GALNT13: variants seen among roughly 807,000 people sequenced by gnomAD.
GALNT13 encodes polypeptide N-acetylgalactosaminyltransferase 13.
In GALNT13, 28 loss-of-function variants were observed where a neutral mutation model predicts 64.2. The observed-to-expected ratio is 0.44, with a 90% confidence interval of 0.32 to 0.60. The LOEUF (loss-of-function observed/expected upper bound fraction) is 0.60. Among genes scored for constraint, GALNT13 ranks in the 20% least tolerant of loss-of-function variants. The pLI is 0.05. For missense variants in GALNT13, 577 were observed against 669.8 expected, an observed-to-expected ratio of 0.86 and a Z score of 1.53; for synonymous variants, 214 against 224.6, an observed-to-expected ratio of 0.95 and a Z score of 0.42.
chr2:154,413,162 A>G (rs1394874571), intron 11 of GALNT13, among the ~76,000 whole-genome samples: 2 of 151,844 alleles, frequency 1.3e-5, no homozygotes, highest in Non-Finnish European at 2.9e-5. Context: ...TCTAGAATCT[A>G]TAGCCAGTTA....
At chr2:153,935,170 A>G (rs1240804461) in intron 2 of GALNT13, among the ~76,000 whole-genome samples, 5 of 152,230 alleles carry the variant, frequency 3.3e-5, no homozygotes, top group Non-Finnish European at 7.3e-5. Flanking sequence ...CTAAGAGGAT[A>G]TCAATAGGTT....
the GALNT13 span, among the ~76,000 whole-genome samples, chr2:153,717,831 G>T: frequency 6.6e-6 from 1 of 152,180 alleles, no homozygotes; most frequent in Non-Finnish European, 1.5e-5. Flanking sequence ...CAACTAGCCA[G>T]AAGTCTTATT....
intron 2 of GALNT13, among the ~76,000 whole-genome samples, chr2:153,926,547 T>C (rs553738156): frequency 6.6e-6 from 1 of 152,280 alleles, no homozygotes; most frequent in African/African-American, 2.4e-5. Flanking sequence ...CAAATTCTTA[T>C]CTTTCCAGAG....
the GALNT13 span, among the ~76,000 whole-genome samples, chr2:153,283,164 A>C: frequency 6.6e-6 from 1 of 152,186 alleles, no homozygotes; most frequent in Non-Finnish European, 1.5e-5. Flanking sequence ...GGGAGGGGCC[A>C]GACAGGGCTG....
the GALNT13 span, among the ~76,000 whole-genome samples, chr2:153,613,762 C>A: frequency 0.53 from 79,898 of 151,762 alleles, 23,509 homozygotes; most frequent in African/African-American, 0.81. Context: ...GCTGAGAATG[C>A]TGGTTTCCAG....
the GALNT13 span, among the ~76,000 whole-genome samples, chr2:153,607,369 A>T: frequency 6.6e-6 from 1 of 152,058 alleles, no homozygotes; most frequent in Non-Finnish European, 1.5e-5. Context: ...TCAGACACTA[A>T]GCTGTCCACC....
At chr2:153,647,544 C>T in the GALNT13 span, among the ~76,000 whole-genome samples, 28 of 152,104 alleles carry the variant, frequency 1.8e-4, no homozygotes, top group African/African-American at 6.5e-4. Flanking sequence ...CTTGCCCATG[C>T]CTATGTCCTG....
the GALNT13 span, among the ~76,000 whole-genome samples, chr2:153,541,051 G>A: frequency 6.6e-6 from 1 of 152,116 alleles, no homozygotes; most frequent in Non-Finnish European, 1.5e-5. Context: ...GGAATGATAT[G>A]GTTTGGCTGT....
At chr2:154,153,890 A>T (rs147315232) in intron 4 of GALNT13, among the ~76,000 whole-genome samples, 1 of 152,230 alleles carries the variant, frequency 6.6e-6, no homozygotes, top group African/African-American at 2.4e-5. Context: ...TTCCCGAGTG[A>T]GGCAATGCCT....
intron 8 of GALNT13, among the ~76,000 whole-genome samples, chr2:154,295,348 T>TTTTATTTATTTATTTATTTA (rs10530260): frequency 0.041 from 5,838 of 142,186 alleles, 172 homozygotes; most frequent in Non-Finnish European, 0.05. Flanking sequence ...ATTCTTTTTA[T>TTTTATTTATTTATTTATTTA]TTTATTTATT....
At chr2:154,198,653 C>A (rs1687009326) in intron 4 of GALNT13, among the ~76,000 whole-genome samples, 1 of 150,282 alleles carries the variant, frequency 6.7e-6, no homozygotes, top group Non-Finnish European at 1.5e-5. Flanking sequence ...CAGCATATAA[C>A]CTTTCTGGCT....
intron 3 of GALNT13, among the ~76,000 whole-genome samples, chr2:154,074,858 A>G (rs1032039260): frequency 7.9e-5 from 12 of 151,888 alleles, no homozygotes; most frequent in African/African-American, 2.7e-4. Context: ...ACATCACTTC[A>G]TATTAAAAAT....
At chr2:154,285,781 A>T (rs1004925017) in intron 8 of GALNT13, among the ~76,000 whole-genome samples, 1 of 152,178 alleles carries the variant, frequency 6.6e-6, no homozygotes, top group Non-Finnish European at 1.5e-5. Context: ...TAGGTTTTGC[A>T]TGGAATCTGT....
intron 11 of GALNT13, among the ~76,000 whole-genome samples, chr2:154,433,750 CAAAAAA>C (rs5835516): frequency 0.019 from 2,746 of 144,558 alleles, 83 homozygotes; most frequent in African/African-American, 0.065. Flanking sequence ...ACAGGTTAGC[CAAAAAA>C]AAAAAAAAAT....
the GALNT13 span, chr2:153,478,183 G>T: frequency 1.4e-6 from 2 of 1,452,494 alleles, no homozygotes; most frequent in Non-Finnish European, 1.9e-6. Context: ...GGCACAGCCG[G>T]GCTAGCAAAG....
At chr2:153,601,224 T>G in the GALNT13 span, among the ~76,000 whole-genome samples, 2 of 151,818 alleles carry the variant, frequency 1.3e-5, no homozygotes, top group East Asian at 3.9e-4. Context: ...CTTTCTGAAT[T>G]TATTTTCTAT....
At chr2:154,128,064 A>G (rs1314469647) in intron 3 of GALNT13, among the ~76,000 whole-genome samples, 1 of 152,072 alleles carries the variant, frequency 6.6e-6, no homozygotes, top group African/African-American at 2.4e-5. Flanking sequence ...AAATTATTTT[A>G]TTAAAGCAAG....
chr2:154,360,756 G>A (rs527293164), intron 9 of GALNT13, among the ~76,000 whole-genome samples: 19 of 152,182 alleles, frequency 1.2e-4, no homozygotes, highest in African/African-American at 3.9e-4. Flanking sequence ...TAAAGAAATA[G>A]AAAGCAGAGC....
At chr2:153,135,249 T>C in the GALNT13 span, among the ~76,000 whole-genome samples, 1 of 152,166 alleles carries the variant, frequency 6.6e-6, no homozygotes, top group Non-Finnish European at 1.5e-5. Context: ...TCTACCCTTA[T>C]GACCTCATTT....
Sources: gnomAD v4.1 joint callset for allele counts (sites outside exome capture counted in the v4.1 genomes callset) on GRCh38, gnomAD v4.1.1 for gene constraint, MANE v1.5 for transcripts, NCBI Gene and HGNC (gene_info 2026-07-23, HGNC 2026-07-21) for gene names.